Variants in SYTL5 observed in about 807,000 individuals in gnomAD.
The protein encoded by SYTL5 is synaptotagmin like 5.
Under a neutral mutation model 55.9 loss-of-function variants are expected in SYTL5, and 34 were observed. That is an observed-to-expected ratio of 0.61 (90% CI 0.46 to 0.81). The LOEUF is 0.81. SYTL5 is among the 30% of genes least tolerant of loss of function. The pLI is 0.00. For synonymous variants in SYTL5, 221 were observed against 188.7 expected (o/e 1.17, Z -1.40); for missense variants, 637 against 546.7 (o/e 1.17, Z -1.65).
intron 6 of SYTL5, among the ~76,000 whole-genome samples, 181 bp downstream of exon 6, chrX:38,076,882 A>T (rs188689352): frequency 8.9e-6 from 1 of 111,961 alleles, no homozygotes; most frequent in African/African-American, 3.2e-5. Context: ...TACTTCTAGA[A>T]TTACAGCTAT....
the SYTL5 span, among the ~76,000 whole-genome samples, chrX:37,936,833 G>A: frequency 9.1e-6 from 1 of 110,063 alleles, no homozygotes; most frequent in Non-Finnish European, 1.9e-5. Flanking sequence ...CCTGAGGTTG[G>A]GAGTTCGAGA....
the SYTL5 span, among the ~76,000 whole-genome samples, chrX:37,893,727 T>G: frequency 4.8e-4 from 44 of 92,125 alleles, 3 homozygotes; most frequent in Admixed American, 2.6e-4. Context: ...ATAGATTATA[T>G]ATAATCTATA....
At chrX:37,898,460 G>A in the SYTL5 span, among the ~76,000 whole-genome samples, 6 of 111,818 alleles carry the variant, frequency 5.4e-5, no homozygotes, top group Non-Finnish European at 1.1e-4. Context: ...CTTGTTTTTT[G>A]AGTCTGTGGA....
At chrX:37,928,843 T>C in the SYTL5 span, among the ~76,000 whole-genome samples, 1 of 112,536 alleles carries the variant, frequency 8.9e-6, no homozygotes, top group Non-Finnish European at 1.9e-5. Context: ...AGTGACTTTT[T>C]GGTAAGCCAT....
chrX:37,913,625 G>A, the SYTL5 span, among the ~76,000 whole-genome samples: 1 of 112,385 alleles, frequency 8.9e-6, no homozygotes, highest in South Asian at 3.7e-4. Flanking sequence ...GTTATGGAAT[G>A]TGAGGGAGTT....
chrX:37,998,706 C>A, the SYTL5 span, among the ~76,000 whole-genome samples: 1 of 111,843 alleles, frequency 8.9e-6, no homozygotes, highest in Non-Finnish European at 1.9e-5. Context: ...CCAGCAGGAC[C>A]GAGCACAACT....
At chrX:38,082,984 C>A (rs1936571712) in intron 6 of SYTL5, among the ~76,000 whole-genome samples, 1 of 111,999 alleles carries the variant, frequency 8.9e-6, no homozygotes, top group Non-Finnish European at 1.9e-5. Flanking sequence ...ACATCCTACT[C>A]AGAACAAGAG....
At chrX:38,013,707 C>A (rs940204721) in intron 1 of SYTL5, among the ~76,000 whole-genome samples, 1 of 111,480 alleles carries the variant, frequency 9.0e-6, no homozygotes, top group Non-Finnish European at 1.9e-5. Flanking sequence ...ACCTTTCTTC[C>A]TGATTCTCAG....
At chrX:37,888,924 C>A in the SYTL5 span, among the ~76,000 whole-genome samples, 1 of 91,616 alleles carries the variant, frequency 1.1e-5, no homozygotes, top group Non-Finnish European at 2.0e-5. Context: ...GAGTGAGACT[C>A]TGTCTCAAAA....
At chrX:37,964,837 TA>T in the SYTL5 span, among the ~76,000 whole-genome samples, 14 of 110,942 alleles carry the variant, frequency 1.3e-4, no homozygotes, top group African/African-American at 4.6e-4. Flanking sequence ...TGTATGTTTC[TA>T]AAAAAATTAT....
intron 6 of SYTL5, among the ~76,000 whole-genome samples, chrX:38,085,113 C>T (rs1936636182): frequency 9.1e-6 from 1 of 109,665 alleles, no homozygotes; most frequent in Non-Finnish European, 1.9e-5. Flanking sequence ...CAGCTTAGCT[C>T]TTTTCATGTC....
the SYTL5 span, among the ~76,000 whole-genome samples, chrX:37,986,760 G>A: frequency 8.9e-6 from 1 of 111,864 alleles, no homozygotes; most frequent in Non-Finnish European, 1.9e-5. Flanking sequence ...AAGCATTTTG[G>A]TGAACTAAGG....
At chrX:38,126,055 G>C (rs1296850876) in intron 16 of SYTL5, among the ~76,000 whole-genome samples, 1 of 112,094 alleles carries the variant, frequency 8.9e-6, no homozygotes, top group Non-Finnish European at 1.9e-5. Context: ...AATTGGAAGA[G>C]GGATTACAGT....
At chrX:37,894,549 G>C in the SYTL5 span, among the ~76,000 whole-genome samples, 1 of 111,890 alleles carries the variant, frequency 8.9e-6, no homozygotes, top group Admixed American at 9.5e-5. Context: ...TGGGTGAGTC[G>C]TTAATGCATT....
chrX:38,013,489 A>G (rs925863937), intron 1 of SYTL5, among the ~76,000 whole-genome samples: 3 of 111,611 alleles, frequency 2.7e-5, no homozygotes, highest in Non-Finnish European at 5.6e-5. Flanking sequence ...CCAAAGGCTC[A>G]CACTTTCTGA....
Position 38,122,132 on chromosome X carries a change from A to G in SYTL5, c.1758A>G (p.Gly586=), listed in dbSNP as rs200040221. The change falls in exon 15 of 17, where the codon GGA becomes GGG. Residue 586 remains glycine (G), a synonymous_variant. Transcript: ENST00000297875. ...GKKKESPVIS[G]GILEVFIKEA... is the part of the protein sequence containing the mutation. ...AGAAGGAGTCACCTGTAATCTCTGG[A>G]GGAATACTAGAAGTGTTCATCAAAG... is the stretch of plus-strand genomic sequence containing the variant. 54 of 1,202,753 alleles carry G rather than the reference A, an allele frequency of 4.5e-5. No homozygotes were observed. In the East Asian group the frequency reaches 1.0e-3, roughly 23 times the overall value.
In SYTL5 at chrX:38,033,773, C is replaced by A. The variant is rs1005502991; in HGVS notation, c.-117C>A. The A allele has an allele frequency of 5.5e-5, 23 of 421,237 alleles. No individual in the cohort carries two copies. Among genetic ancestry groups the A allele is most frequent in the Non-Finnish European group, 7.5e-5 (18 of 240,470 alleles). The allele number at this position is 421,237 out of a possible 1,213,427, so 34.7% of individuals were successfully genotyped here. A position where few individuals can be genotyped will look rare whatever the true frequency, so the allele number is the denominator to read the frequency against. ...TTCTGCAGAGACCTTGTAAAAATCA[C>A]ACTTTACACCAAACAACTGAGTGAT... On this transcript the variant is annotated 5_prime_UTR_variant, in exon 2 of 17. Transcript: ENST00000297875.
At chrX:38,059,655 G>A (rs1227435840) in intron 3 of SYTL5, among the ~76,000 whole-genome samples, 1 of 111,443 alleles carries the variant, frequency 9.0e-6, no homozygotes, top group Non-Finnish European at 1.9e-5. Flanking sequence ...AGTTAGATGT[G>A]TGTTAGTAGA....
At chrX:37,925,145 A>T in the SYTL5 span, among the ~76,000 whole-genome samples, 2 of 111,675 alleles carry the variant, frequency 1.8e-5, no homozygotes, top group African/African-American at 6.5e-5. Context: ...TATTTCACTT[A>T]ACGTGATGAC....
Sources: gnomAD v4.1 joint callset for allele counts (sites outside exome capture counted in the v4.1 genomes callset) on GRCh38, gnomAD v4.1.1 for gene constraint, MANE v1.5 for transcripts, NCBI Gene and HGNC (gene_info 2026-07-23, HGNC 2026-07-21) for gene names.